Variants in MKS1 observed in about 807,000 individuals in gnomAD.
MKS1 encodes MKS transition zone complex subunit 1.
Under a neutral mutation model 83.7 loss-of-function variants are expected in MKS1, and 70 were observed. The ratio of observed to expected loss-of-function variants is 0.84; its 90% CI spans 0.69 to 1.02. The LOEUF is 1.02. MKS1 is among the 50% of genes least tolerant of loss of function. MKS1 has a pLI of 0.00. For synonymous variants in MKS1, 251 were observed against 273.4 expected (o/e 0.92, Z 0.81); for missense variants, 681 against 726.9 (o/e 0.94, Z 0.73).
chr17:58,210,744 G>A lies in MKS1; in HGVS notation c.959-20C>T. ...CTGAAACTACGAGAGAAAACAGGAA[G>A]CTATTTTAGCTTTTTCTCCTACCAC... is the stretch of plus-strand genomic sequence containing the variant. On this transcript the variant is annotated intron_variant, in intron 10 of 17. Transcript: ENST00000393119. 1.2e-6 allele frequency: 2 copies of A among 1,612,812 alleles called. No homozygotes were observed. Among genetic ancestry groups the A allele is most frequent in the Non-Finnish European group, 1.7e-6 (2 of 1,178,886 alleles).
At chr17:58,206,193 A>G in intron 17 of MKS1, 23 bp from the exon 18 acceptor site, 1 of 1,613,964 alleles carries the variant, frequency 6.2e-7, no homozygotes, top group Non-Finnish European at 8.5e-7. Context: ...GAGATATGCT[A>G]TTTGGCTGCC....
chr17:58,215,621 A>G, intron 4 of MKS1: 1 of 185,814 alleles, frequency 5.4e-6, no homozygotes, highest in Non-Finnish European at 1.1e-5. Flanking sequence ...ATGTAAAACA[A>G]GGTCACAAGG....
In MKS1 at chr17:58,206,641, G is replaced by T. The variant is rs536619387; in HGVS notation, c.1408-94C>A. On this transcript the variant is annotated intron_variant, in intron 15 of 17. Transcript: ENST00000393119. Reference sequence around the variant, plus strand: ...CACCCCCATTCTTATTCCCATTCTTGGGAAGCGCAGTTCTGTTGGGGAAAC... The same window carrying T: ...CACCCCCATTCTTATTCCCATTCTTTGGAAGCGCAGTTCTGTTGGGGAAAC... The T allele has an allele frequency of 5.5e-5, 69 of 1,247,192 alleles. No individual in the cohort carries two copies. In the African/African-American group the frequency reaches 9.9e-4, roughly 18 times the overall value. 77.3% of individuals were successfully genotyped at this position (1,247,192 alleles called of 1,614,324 possible).
In MKS1 at chr17:58,209,228, G is replaced by A. The variant is rs1351264666; in HGVS notation, c.1025-645C>T. Among the ~76,000 whole-genome samples the A allele has an allele frequency of 1.3e-5, 2 of 152,106 alleles. No individual in the cohort carries two copies. Among genetic ancestry groups the A allele is most frequent in the Non-Finnish European group, 2.9e-5 (2 of 68,012 alleles). On this transcript the variant is annotated intron_variant, in intron 11 of 17. Coordinates refer to ENST00000393119, the MANE Select transcript of MKS1 (RefSeq NM_017777.4). The surrounding 1 kb of genome is among the most constrained non-coding windows in gnomAD (Gnocchi z 4.1). ...CCAGATGGGGCGGCCGGGCAGAGGC[G>A]CTCCTCACTTCCCAGACGGGGCGGA...
rs17174788 is a variant in MKS1, at chr17:58,205,607, G to C, written c.*472C>G. 0.058 allele frequency: 75,943 copies of C among 1,306,094 alleles called. 2,450 individuals carry two copies. The highest frequency in any genetic ancestry group is 0.11 in the Middle Eastern group (527 of 4,700). 80.9% of individuals were successfully genotyped at this position (1,306,094 alleles called of 1,614,324 possible). A position where few individuals can be genotyped will look rare whatever the true frequency, so the allele number is the denominator to read the frequency against. ...CTCAGCAAGCCCCAAGCAGTAGAAT[G>C]AGGCTTCCCTGGAAAGAGGCTGAGA... On this transcript the variant is annotated 3_prime_UTR_variant, in exon 18 of 18. Coordinates refer to ENST00000393119, the MANE Select transcript of MKS1 (RefSeq NM_017777.4).
intron 11 of MKS1, among the ~76,000 whole-genome samples, chr17:58,210,104 G>A (rs1017963730): frequency 3.9e-5 from 6 of 152,218 alleles, no homozygotes; most frequent in African/African-American, 1.4e-4. Flanking sequence ...GAAGACCAGG[G>A]AGGAGAGGTT....
intron 9 of MKS1, 80 bp downstream of exon 9, chr17:58,212,298 A>G (rs1968920454): frequency 5.3e-6 from 8 of 1,511,584 alleles, no homozygotes; most frequent in Non-Finnish European, 6.4e-6. Flanking sequence ...GGCCTTTAAG[A>G]GAGGTAGTGT....
Position 58,218,660 on chromosome 17 carries a change from GT to G in MKS1, c.149del (p.Asp50AlafsTer3), listed in dbSNP as rs1969403532. On this transcript the variant is annotated frameshift_variant, in exon 2 of 18. Coordinates refer to ENST00000393119, the MANE Select transcript of MKS1 (RefSeq NM_017777.4). LOFTEE classifies it high-confidence loss of function. ...HYQPAAELGK[D>X]LIDLATFRPQ... is the part of the protein sequence containing the mutation. The stretch of plus-strand genomic sequence containing the variant: ...GCCTAAAAGTGGCCAAGTCTATGAG[GT>G]CCTTCCCGAGCTCGGCAGCAGGCTG... 9 of 1,613,948 alleles carry G rather than the reference GT, an allele frequency of 5.6e-6. No homozygotes were observed. The highest frequency in any genetic ancestry group is 7.6e-6 in the Non-Finnish European group (9 of 1,179,916).
At chr17:58,215,345 G>T (rs1428829434) in intron 4 of MKS1, among the ~76,000 whole-genome samples, 1 of 152,120 alleles carries the variant, frequency 6.6e-6, no homozygotes, top group East Asian at 1.9e-4. Context: ...CTGCAACCTT[G>T]AACTCCTTGG....
At chr17:58,214,522 G>T in intron 5 of MKS1, 135 bp from the exon 6 acceptor site, 2 of 1,425,296 alleles carry the variant, frequency 1.4e-6, no homozygotes, top group Non-Finnish European at 9.6e-7. Context: ...CAAAATATTT[G>T]ACAAACAGAA....
chr17:58,205,573 T>C lies in MKS1; in HGVS notation c.*506A>G, dbSNP rs545361117. On this transcript the variant is annotated 3_prime_UTR_variant, in exon 18 of 18. Transcript: ENST00000393119. Reference sequence around the variant, plus strand: ...CCTTCACTTACTCAGAAATAACTCATATCTCAACCTCAGCAAGCCCCAAGC... The same window carrying C: ...CCTTCACTTACTCAGAAATAACTCACATCTCAACCTCAGCAAGCCCCAAGC... The C allele has an allele frequency of 7.7e-7, 1 of 1,305,090 alleles. No homozygotes were observed. The highest frequency in any genetic ancestry group is 1.5e-5 in the African/African-American group (1 of 66,014). The allele number at this position is 1,305,090 out of a possible 1,614,324, so 80.8% of individuals were successfully genotyped here. A position where few individuals can be genotyped will look rare whatever the true frequency, so the allele number is the denominator to read the frequency against.
At position 58,214,362 on chromosome 17, in the gene MKS1, T is replaced by G. The variant is rs764242484; in HGVS notation, c.541A>C (p.Ile181Leu). The change falls in exon 6 of 18, where the codon ATC becomes CTC. Residue 181 changes from isoleucine to leucine, a missense_variant. By Grantham distance (5) the Ile-to-Leu change is conservative. Around this residue, in one of 3 missense-constraint regions of MKS1, gnomAD observed 365 missense variants for 383.8 expected, o/e 0.95. Transcript: ENST00000393119. ...GMEGGILKSRIVTWEPSEEFV... is the reference protein window; with the variant it reads ...GMEGGILKSRLVTWEPSEEFV... ...TCTTCTGAGGGCTCCCAGGTGACGA[T>G]GCGTGACTTGAGGATGCCGCCCTCC... The G allele has an allele frequency of 2.5e-6, 4 of 1,613,650 alleles. No homozygotes were observed. Among genetic ancestry groups the G allele is most frequent in the South Asian group, 2.2e-5 (2 of 91,052 alleles).
chr17:58,218,896 G>A, intron 1 of MKS1, 167 bp from the exon 2 acceptor site: 1 of 826,664 alleles, frequency 1.2e-6, no homozygotes, highest in Non-Finnish European at 2.0e-6. Context: ...GAAGAATGAA[G>A]GGGAGAGGGT....
chr17:58,218,515 AT>A (rs1567808175), intron 2 of MKS1, 104 bp downstream of exon 2: 3 of 834,788 alleles, frequency 3.6e-6, no homozygotes, highest in Non-Finnish European at 6.0e-6. Context: ...GGGCAACTCT[AT>A]AACATATCAG....
At chr17:58,206,417 C>T in intron 16 of MKS1, 37 bp from the exon 17 acceptor site, 3 of 1,614,018 alleles carry the variant, frequency 1.9e-6, no homozygotes, top group Middle Eastern at 1.6e-4. Context: ...CGGCTGTCTC[C>T]ACCCCTCAGG....
intron 11 of MKS1, 76 bp downstream of exon 11, chr17:58,210,583 G>C (rs1968814542): frequency 1.5e-6 from 2 of 1,355,068 alleles, no homozygotes; most frequent in Non-Finnish European, 2.1e-6. Flanking sequence ...CAGAGGAGTG[G>C]GAAAGGAAGC....
In MKS1 at chr17:58,206,607, T is replaced by G; in HGVS notation, c.1408-60A>C. 3 of 1,490,248 alleles carry G rather than the reference T, an allele frequency of 2.0e-6. No homozygotes were observed. In the South Asian group the frequency reaches 3.4e-5, roughly 17 times the overall value. 92.3% of individuals were successfully genotyped at this position (1,490,248 alleles called of 1,614,324 possible). A position where few individuals can be genotyped will look rare whatever the true frequency, so the allele number is the denominator to read the frequency against. ...GCTCTCTCTAGACACCCCCGCACCA[T>G]GCTGGCCTCACCCCCATTCTTATTC... On this transcript the variant is annotated intron_variant, in intron 15 of 17. Transcript: ENST00000393119.
chr17:58,216,865 G>T (rs911690966), intron 2 of MKS1, 129 bp from the exon 3 acceptor site: 6 of 889,156 alleles, frequency 6.7e-6, no homozygotes, highest in Admixed American at 2.0e-5. Flanking sequence ...CAGCAATTTA[G>T]TAAGCACTCA....
chr17:58,218,316 C>T (rs1296149952), intron 2 of MKS1, among the ~76,000 whole-genome samples: 4 of 151,344 alleles, frequency 2.6e-5, no homozygotes, highest in East Asian at 1.9e-4. Context: ...GGCGTGGTGG[C>T]GGGCGCCTGT....
Sources: allele counts gnomAD v4.1 joint callset (sites outside exome capture counted in the v4.1 genomes callset), GRCh38; gene constraint gnomAD v4.1.1; regional missense constraint gnomAD v4.1.1; non-coding constraint Gnocchi (gnomAD v3.1); transcripts MANE v1.5; gene names NCBI Gene and HGNC (gene_info 2026-07-23, HGNC 2026-07-21).